Variants in DGKD observed in about 807,000 individuals in gnomAD.
DGKD encodes the protein diacylglycerol kinase delta.
Under a neutral mutation model 154.4 loss-of-function variants are expected in DGKD, and 68 were observed. The ratio of observed to expected loss-of-function variants is 0.44; its 90% CI spans 0.36 to 0.54. The LOEUF (loss-of-function observed/expected upper bound fraction) is 0.54, where lower values mean the gene tolerates loss of function less well. Among genes scored for constraint, DGKD ranks in the 20% least tolerant of loss-of-function variants. DGKD has a pLI of 0.00. For missense variants in DGKD, 1,343 were observed against 1,593.6 expected (o/e 0.84, Z 2.68); for synonymous variants, 693 against 638.0 (o/e 1.09, Z -1.30).
Position 233,438,770 on chromosome 2 carries a change from C to T in DGKD, c.1085+391C>T, listed in dbSNP as rs1281877251. 1.4e-4 allele frequency among the ~76,000 whole-genome samples: 16 copies of T among 113,468 alleles called. No individual in the cohort carries two copies. Among genetic ancestry groups the T allele is most frequent in the African/African-American group, 4.8e-4 (13 of 26,900 alleles). 74.4% of individuals were successfully genotyped at this position (113,468 alleles called of 152,430 possible). ...GTCTATCTATCATCTATCTATCTAT[C>T]TATCTATCTATCTATCTATCTATCT... On this transcript the variant is annotated intron_variant, in intron 9 of 29. Coordinates refer to ENST00000264057, the MANE Select transcript of DGKD (RefSeq NM_152879.3). The surrounding 1 kb of genome is among the most constrained non-coding windows in gnomAD (Gnocchi z 4.1).
At chr2:233,436,814 G>T (rs2062713441) in intron 7 of DGKD, among the ~76,000 whole-genome samples, 2 of 152,260 alleles carry the variant, frequency 1.3e-5, no homozygotes, top group South Asian at 2.1e-4. Context: ...GCTCTGGGCA[G>T]TGTTGACAGT....
At chr2:233,377,078 CTTTT>C (rs755610624) in intron 1 of DGKD, among the ~76,000 whole-genome samples, 1 of 129,310 alleles carries the variant, frequency 7.7e-6, no homozygotes, top group African/African-American at 3.0e-5. Flanking sequence ...TAGCATGTTC[CTTTT>C]TTTTTTTTTT....
rs1006162257 is a variant in DGKD at position 233,373,844 on chromosome 2, T to C, written c.157-14413T>C. On this transcript the variant is annotated intron_variant, in intron 1 of 29. Transcript: ENST00000264057. The stretch of plus-strand genomic sequence containing the variant: ...GCAATGTTATCAGTTCTTTAGATAA[T>C]GTTCATAATGACATTAGCATCCCTA... Among the ~76,000 whole-genome samples, 478 of 150,732 alleles carry C rather than the reference T, an allele frequency of 3.2e-3. 1 individual carries two copies. Among genetic ancestry groups the C allele is most frequent in the African/African-American group, 0.011 (444 of 40,916 alleles).
At chr2:233,407,532 A>G (rs901762603) in intron 3 of DGKD, among the ~76,000 whole-genome samples, 1 of 152,176 alleles carries the variant, frequency 6.6e-6, no homozygotes, top group Non-Finnish European at 1.5e-5. Context: ...TTGGGAGACC[A>G]AGGCAGGAGA....
intron 3 of DGKD, among the ~76,000 whole-genome samples, chr2:233,397,028 C>T (rs1284323296): frequency 3.2e-3 from 15 of 4,650 alleles, no homozygotes; most frequent in Non-Finnish European, 3.4e-3. Flanking sequence ...GGGGGGGGGG[C>T]GCCAGAGTGA....
At chr2:233,463,347 TCTCACTCCACACATCAC>T (rs1559183361) in intron 26 of DGKD, among the ~76,000 whole-genome samples, 2 of 143,454 alleles carry the variant, frequency 1.4e-5, no homozygotes, top group African/African-American at 5.3e-5. Context: ...ACTGCACGCA[TCTCACTCCACACATCAC>T]CTCACTCCAC....
chr2:233,443,017 C>T (rs546403819), intron 10 of DGKD, among the ~76,000 whole-genome samples: 1 of 152,330 alleles, frequency 6.6e-6, no homozygotes, highest in South Asian at 2.1e-4. Context: ...AGCCCAGGGC[C>T]AGCTCACCTC....
intron 1 of DGKD, among the ~76,000 whole-genome samples, chr2:233,361,823 C>G (rs1428385545): frequency 6.6e-6 from 1 of 152,004 alleles, no homozygotes; most frequent in African/African-American, 2.4e-5. Flanking sequence ...AAGACGGAGT[C>G]TCACTCTTGT....
chr2:233,457,116 G>T lies in DGKD; in HGVS notation c.2473-105G>T. 7.7e-7 allele frequency: 1 copy of T among 1,304,932 alleles called. No homozygotes were observed. Among genetic ancestry groups the T allele is most frequent in the Non-Finnish European group, 1.1e-6 (1 of 914,364 alleles). 80.8% of individuals were successfully genotyped at this position (1,304,932 alleles called of 1,614,324 possible). A position where few individuals can be genotyped will look rare whatever the true frequency, so the allele number is the denominator to read the frequency against. ...ACAGGGACTTGCCTGGGGATGCCCT[G>T]GCCACGGCTGTGCTCCTGAGCCCCT... is the stretch of plus-strand genomic sequence containing the variant. On this transcript the variant is annotated intron_variant, in intron 20 of 29. Transcript: ENST00000264057. This position sits in a 1 kb window ranked among gnomAD's most constrained non-coding sequence, Gnocchi z 5.5.
Position 233,448,092 on chromosome 2 carries a change from G to C in DGKD, c.1425G>C (p.Gln475His), listed in dbSNP as rs1414592515. ...TEDFSEDSEV[Q>H]QILFYEDSVA... ...GCCATTTGGGGTGATTGCAGGTACA[G>C]CAGATTCTCTTCTATGAAGACTCGG... is the stretch of plus-strand genomic sequence containing the variant. Residue 475 changes from glutamine (Q) to histidine (H), a missense_variant, in exon 13 of 30, where the codon CAG becomes CAC. This residue lies in a region of DGKD where 409 missense variants were observed against 446.0 expected (regional missense o/e 0.92). Transcript: ENST00000264057. The C allele has an allele frequency of 6.2e-7, 1 of 1,614,072 alleles. No individual in the cohort carries two copies. Among genetic ancestry groups the C allele is most frequent in the South Asian group, 1.1e-5 (1 of 91,072 alleles).
intron 3 of DGKD, among the ~76,000 whole-genome samples, chr2:233,424,630 C>A (rs1297352874): frequency 1.1e-4 from 17 of 152,312 alleles, no homozygotes; most frequent in Middle Eastern, 3.4e-3. Context: ...AGGCACCACC[C>A]AGATGAGGAG....
intron 3 of DGKD, among the ~76,000 whole-genome samples, chr2:233,412,815 A>G (rs760905171): frequency 6.6e-6 from 1 of 152,192 alleles, no homozygotes; most frequent in African/African-American, 2.4e-5. Flanking sequence ...AATTTTGTCA[A>G]ATGCTTTTCT....
intron 28 of DGKD, 71 bp from the exon 29 acceptor site, chr2:233,468,352 G>GTGCCAGC: frequency 6.3e-7 from 1 of 1,580,826 alleles, no homozygotes; most frequent in Non-Finnish European, 8.6e-7. Context: ...CGGGTGCTGG[G>GTGCCAGC]TGCCAGCTGC....
chr2:233,410,227 C>G (rs1486564317), intron 3 of DGKD, among the ~76,000 whole-genome samples: 2 of 150,234 alleles, frequency 1.3e-5, no homozygotes, highest in African/African-American at 2.5e-5. Flanking sequence ...TTGGCTTCCA[C>G]CCCATTCTTT....
chr2:233,397,028 C>CTGGTAGAG (rs1559501379), intron 3 of DGKD, among the ~76,000 whole-genome samples: 103 of 4,652 alleles, frequency 0.022, 38 homozygotes, highest in African/African-American at 0.1. Flanking sequence ...GGGGGGGGGG[C>CTGGTAGAG]GCCAGAGTGA....
chr2:233,450,779 T>C, intron 16 of DGKD, 143 bp from the exon 17 acceptor site: 1 of 1,040,682 alleles, frequency 9.6e-7, no homozygotes, highest in Non-Finnish European at 1.4e-6. Flanking sequence ...CCCCCTTCTT[T>C]GTCCCACACA....
chr2:233,432,174 G>C (rs796484523), intron 3 of DGKD, among the ~76,000 whole-genome samples: 1 of 144,146 alleles, frequency 6.9e-6, no homozygotes, highest in Non-Finnish European at 1.5e-5. Flanking sequence ...GGCGGATCAC[G>C]AGGTCAGGAG....
Position 233,425,183 on chromosome 2 carries a change from T to TTTTA in DGKD, c.349-9181_349-9178dup, listed in dbSNP as rs138796796. The stretch of plus-strand genomic sequence containing the variant: ...TTAACATATAAACGTAAGACTTTAT[T>TTTTA]TTTATTTATTTATTTATTTTTAAGA... On this transcript the variant is annotated intron_variant, in intron 3 of 29. Transcript: ENST00000264057. Among the ~76,000 whole-genome samples the TTTTA allele has an allele frequency of 8.8e-3, 1,345 of 152,072 alleles. 19 individuals carry two copies. The highest frequency in any genetic ancestry group is 0.031 in the African/African-American group (1,267 of 41,456).
At chr2:233,388,201 A>G (rs1010119225) in intron 1 of DGKD, 56 bp from the exon 2 acceptor site, 4 of 1,585,598 alleles carry the variant, frequency 2.5e-6, no homozygotes, top group Non-Finnish European at 3.4e-6. Flanking sequence ...TTCAGCCGGA[A>G]GAGTGAAAGG....
Sources: gnomAD v4.1 joint callset for allele counts (sites outside exome capture counted in the v4.1 genomes callset) on GRCh38, gnomAD v4.1.1 for gene constraint, gnomAD v4.1.1 regional missense constraint, Gnocchi (gnomAD v3.1) non-coding constraint, MANE v1.5 for transcripts, NCBI Gene and HGNC (gene_info 2026-07-23, HGNC 2026-07-21) for gene names.